Variants in RAB38 observed in about 807,000 individuals in gnomAD.
RAB38 encodes RAB38, member RAS oncogene family, also known as ras-related protein Rab-38.
RAB38 carries 15 observed loss-of-function variants against 18.4 expected under a neutral mutation model. The ratio of observed to expected loss-of-function variants is 0.82; its 90% CI spans 0.55 to 1.26. The LOEUF (loss-of-function observed/expected upper bound fraction) is 1.26. RAB38 is among the 50% of genes most tolerant of loss of function. The pLI, the probability that RAB38 is intolerant of heterozygous loss-of-function variation, is 0.00. For missense variants in RAB38, 294 were observed against 267.4 expected (o/e 1.10, Z -0.69); for synonymous variants, 101 against 104.4 (o/e 0.97, Z 0.20).
At chr11:88,121,327 A>G (rs939201328) in intron 2 of RAB38, among the ~76,000 whole-genome samples, 38 of 152,220 alleles carry the variant, frequency 2.5e-4, no homozygotes, top group African/African-American at 9.2e-4. Flanking sequence ...CCTATGGATA[A>G]CTTATTGTAA....
the RAB38 span, among the ~76,000 whole-genome samples, chr11:87,890,307 A>C: frequency 6.6e-6 from 1 of 151,846 alleles, no homozygotes; most frequent in Non-Finnish European, 1.5e-5. Context: ...TTAAAGTTCA[A>C]ACACATTCAC....
the RAB38 span, among the ~76,000 whole-genome samples, chr11:87,929,736 C>T: frequency 7.3e-6 from 1 of 137,022 alleles, no homozygotes; most frequent in East Asian, 2.3e-4. Flanking sequence ...CACAACAGGC[C>T]CCGGTGTGTG....
the RAB38 span, among the ~76,000 whole-genome samples, chr11:87,961,403 G>T: frequency 6.6e-6 from 1 of 152,120 alleles, no homozygotes. Context: ...CTGGCTGGGG[G>T]ACATGTGGAG....
chr11:88,174,006 G>C, intron 1 of RAB38: 1 of 985,406 alleles, frequency 1.0e-6, no homozygotes, highest in Non-Finnish European at 1.2e-6. Flanking sequence ...AAACAGAAGT[G>C]GCTAGTTTGG....
the RAB38 span, chr11:88,098,471 G>T: frequency 6.6e-6 from 1 of 151,996 alleles, no homozygotes; most frequent in East Asian, 1.9e-4. Flanking sequence ...GTGGAACAGT[G>T]GAGATATGGC....
At chr11:87,909,703 T>C in the RAB38 span, among the ~76,000 whole-genome samples, 1 of 152,076 alleles carries the variant, frequency 6.6e-6, no homozygotes, top group African/African-American at 2.4e-5. Flanking sequence ...TTTATTCTTC[T>C]GGTTTCTTTT....
At chr11:87,950,620 G>T in the RAB38 span, among the ~76,000 whole-genome samples, 2 of 152,100 alleles carry the variant, frequency 1.3e-5, no homozygotes, top group African/African-American at 2.4e-5. Flanking sequence ...GTCTGTAAAG[G>T]ATTTTATTTC....
chr11:87,973,366 T>C, the RAB38 span, among the ~76,000 whole-genome samples: 1 of 152,056 alleles, frequency 6.6e-6, no homozygotes, highest in African/African-American at 2.4e-5. Context: ...GCCCACCTGA[T>C]GCAAATAACT....
At chr11:87,961,099 C>T in the RAB38 span, among the ~76,000 whole-genome samples, 1 of 152,030 alleles carries the variant, frequency 6.6e-6, no homozygotes, top group African/African-American at 2.4e-5. Context: ...ATAAAATTTT[C>T]AAGTCTTTCT....
chr11:87,812,680 G>A, the RAB38 span, among the ~76,000 whole-genome samples: 1 of 152,142 alleles, frequency 6.6e-6, no homozygotes, highest in Non-Finnish European at 1.5e-5. Flanking sequence ...TGCTCATCAT[G>A]TATCTTCTAT....
At chr11:87,950,370 A>G in the RAB38 span, among the ~76,000 whole-genome samples, 1 of 152,164 alleles carries the variant, frequency 6.6e-6, no homozygotes, top group Non-Finnish European at 1.5e-5. Flanking sequence ...TAATTGGAGC[A>G]TTTAGCCCAT....
chr11:87,848,256 C>T, the RAB38 span, among the ~76,000 whole-genome samples: 1 of 152,078 alleles, frequency 6.6e-6, no homozygotes, highest in Non-Finnish European at 1.5e-5. Context: ...AGCCAGCATC[C>T]AGTTTCCTCT....
the RAB38 span, among the ~76,000 whole-genome samples, chr11:87,829,110 T>G: frequency 6.6e-6 from 1 of 152,224 alleles, no homozygotes; most frequent in South Asian, 2.1e-4. Flanking sequence ...TTGTATGCTT[T>G]ATACATTTTA....
chr11:88,012,163 C>T, the RAB38 span, among the ~76,000 whole-genome samples: 9 of 152,174 alleles, frequency 5.9e-5, no homozygotes, highest in African/African-American at 1.9e-4. Flanking sequence ...GTCATGGCAC[C>T]GGTGAGGAGA....
chr11:87,839,171 C>T, the RAB38 span, among the ~76,000 whole-genome samples: 4 of 152,134 alleles, frequency 2.6e-5, no homozygotes, highest in Admixed American at 6.6e-5. Flanking sequence ...ACTCCTAGTG[C>T]TTTTATTGTC....
the RAB38 span, among the ~76,000 whole-genome samples, chr11:88,017,364 T>TACACAC: frequency 0.02 from 3,063 of 150,530 alleles, 97 homozygotes; most frequent in African/African-American, 0.069. Flanking sequence ...TATAGACACA[T>TACACAC]ACACACACAC....
the RAB38 span, among the ~76,000 whole-genome samples, chr11:88,018,502 A>G: frequency 1.4e-4 from 21 of 152,046 alleles, 1 homozygote; most frequent in Non-Finnish European, 4.4e-5. Context: ...ACCTCAAAAG[A>G]GTTTTCTGTA....
chr11:88,050,432 T>A, the RAB38 span, among the ~76,000 whole-genome samples: 1 of 152,234 alleles, frequency 6.6e-6, no homozygotes, highest in Non-Finnish European at 1.5e-5. Context: ...TTGTTTCTAT[T>A]TCTGTTTCTG....
chr11:87,951,214 C>T, the RAB38 span, among the ~76,000 whole-genome samples: 31 of 152,236 alleles, frequency 2.0e-4, no homozygotes, highest in Non-Finnish European at 2.8e-4. Flanking sequence ...ACATAGCTCT[C>T]GTGCCTTGGT....
Sources: allele counts gnomAD v4.1 joint callset (sites outside exome capture counted in the v4.1 genomes callset), GRCh38; gene constraint gnomAD v4.1.1; transcripts MANE v1.5; gene names NCBI Gene and HGNC (gene_info 2026-07-23, HGNC 2026-07-21).